The following ABCB1 variants were observed in gnomAD, a reference collection of about 807,000 sequenced individuals.
The protein encoded by ABCB1 is ATP-dependent translocase ABCB1.
A neutral mutation model predicts 142.0 loss-of-function variants in ABCB1; 69 were observed. The observed-to-expected ratio is 0.49, with a 90% CI of 0.40 to 0.59. ABCB1 has a LOEUF of 0.59. Ranked by LOEUF, ABCB1 falls within the 20% of genes least tolerant of loss-of-function variation. The pLI is 0.00. For synonymous variants in ABCB1, 532 were observed against 539.2 expected (o/e 0.99, Z 0.18); for missense variants, 1,326 against 1,554.7 (o/e 0.85, Z 2.47).
At chr7:87,504,793 A>G (rs1814658652) in intron 27 of ABCB1, among the ~76,000 whole-genome samples, 1 of 148,416 alleles carries the variant, frequency 6.7e-6, no homozygotes, top group Admixed American at 6.6e-5. Flanking sequence ...CGACAGAGCG[A>G]GACTCCATCT....
intron 20 of ABCB1, among the ~76,000 whole-genome samples, chr7:87,533,018 C>T (rs917440428): frequency 6.6e-6 from 1 of 152,086 alleles, no homozygotes; most frequent in Admixed American, 6.6e-5. Context: ...TACCATGGAG[C>T]TGCACCAGGG....
Position 87,691,180 on chromosome 7 carries a change from A to G in ABCB1, c.-331+21981T>C, listed in dbSNP as rs959690563. Among the ~76,000 whole-genome samples the G allele has an allele frequency of 2.6e-5, 4 of 152,140 alleles. No homozygotes were observed. The East Asian group carries it at 7.7e-4, about 29-fold the overall frequency. Reference sequence around the variant, plus strand: ...AATTTATTTGTTTAAAACAGTGGCCAATAGTCTTTTCTGTGTGAGGGCTAA... The same window carrying G: ...AATTTATTTGTTTAAAACAGTGGCCGATAGTCTTTTCTGTGTGAGGGCTAA... On this transcript the variant is annotated intron_variant, in intron 1 of 28. Transcript: ENST00000265724.
intron 20 of ABCB1, among the ~76,000 whole-genome samples, chr7:87,535,586 T>C (rs1816253586): frequency 6.6e-6 from 1 of 152,202 alleles, no homozygotes; most frequent in African/African-American, 2.4e-5. Context: ...TAAGAGGAGC[T>C]GGTACTATGC....
chr7:87,595,442 A>G (rs922673437), intron 3 of ABCB1, among the ~76,000 whole-genome samples: 1 of 152,136 alleles, frequency 6.6e-6, no homozygotes, highest in Non-Finnish European at 1.5e-5. Flanking sequence ...GCCAAATTTC[A>G]GAGCCATTAA....
rs556575598 is a variant in ABCB1 at position 87,587,488 on chromosome 7, T to C, written c.118-1808A>G. ...TGCTTTGACAGTACAGTGTATAGAA[T>C]AGACACAAAACTGAGTCAATCATCA... On this transcript the variant is annotated intron_variant, in intron 3 of 27. Coordinates refer to ENST00000622132, the MANE Select transcript of ABCB1 (RefSeq NM_001348946.2). Among the ~76,000 whole-genome samples, 23 of 152,288 alleles carry C rather than the reference T, an allele frequency of 1.5e-4. No individual in the cohort carries two copies. The South Asian group carries it at 1.9e-3, about 12-fold the overall frequency.
At chr7:87,652,575 G>C (rs1823680013) in intron 1 of ABCB1, among the ~76,000 whole-genome samples, 1 of 145,894 alleles carries the variant, frequency 6.9e-6, no homozygotes, top group Non-Finnish European at 1.5e-5. Flanking sequence ...TTTTAAGCTA[G>C]GTAAGTTAAT....
chr7:87,607,178 T>C (rs1318313053), intron 1 of ABCB1, among the ~76,000 whole-genome samples: 1 of 152,162 alleles, frequency 6.6e-6, no homozygotes, highest in Non-Finnish European at 1.5e-5. Context: ...GTTGGATACA[T>C]GGTTTTTTTC....
At chr7:87,681,835 T>TCAA (rs1196658387) in intron 1 of ABCB1, among the ~76,000 whole-genome samples, 7 of 152,114 alleles carry the variant, frequency 4.6e-5, no homozygotes, top group Non-Finnish European at 5.9e-5. Context: ...AGACCCCATC[T>TCAA]CAACAACAAC....
intron 4 of ABCB1, among the ~76,000 whole-genome samples, chr7:87,582,796 A>C (rs890019901): frequency 6.6e-6 from 1 of 152,242 alleles, no homozygotes; most frequent in African/African-American, 2.4e-5. Context: ...ACGGGTCACA[A>C]AATATAATTT....
At chr7:87,596,967 C>T (rs1819235525) in intron 2 of ABCB1, among the ~76,000 whole-genome samples, 3 of 152,046 alleles carry the variant, frequency 2.0e-5, no homozygotes, top group Non-Finnish European at 2.9e-5. Context: ...AGCTGCTACT[C>T]TGGAGAAGTT....
chr7:87,519,255 T>C lies in ABCB1; in HGVS notation c.2927+71A>G, dbSNP rs1453758104. On this transcript the variant is annotated intron_variant, in intron 23 of 27. Coordinates refer to ENST00000622132, the MANE Select transcript of ABCB1 (RefSeq NM_001348946.2). ...CATGAGGCTTCACAGTAGGGTTTCC[T>C]ATCTAGACATGAAGCATGTTCATCC... The C allele has an allele frequency of 6.1e-6, 9 of 1,463,786 alleles. No individual in the cohort carries two copies. The East Asian group carries it at 1.6e-4, about 26-fold the overall frequency. The allele number at this position is 1,463,786 out of a possible 1,614,324, so 90.7% of individuals were successfully genotyped here.
At chr7:87,589,911 A>G (rs941435650) in intron 3 of ABCB1, among the ~76,000 whole-genome samples, 3 of 151,966 alleles carry the variant, frequency 2.0e-5, no homozygotes, top group African/African-American at 7.3e-5. Context: ...GGAAAGAGAG[A>G]GAAGGTGAAC....
At chr7:87,569,742 C>G (rs978272533) in intron 5 of ABCB1, among the ~76,000 whole-genome samples, 10 of 152,258 alleles carry the variant, frequency 6.6e-5, no homozygotes, top group Middle Eastern at 3.4e-3. Flanking sequence ...GGCTGGAGTG[C>G]AGTGATGTGA....
At chr7:87,569,309 G>A (rs1294381640) in intron 5 of ABCB1, among the ~76,000 whole-genome samples, 1 of 144,770 alleles carries the variant, frequency 6.9e-6, no homozygotes, top group African/African-American at 2.6e-5. Context: ...CTCCAGCCTG[G>A]GGGACAGAGT....
intron 21 of ABCB1, among the ~76,000 whole-genome samples, chr7:87,523,919 C>T (rs562304617): frequency 1.3e-5 from 2 of 152,226 alleles, no homozygotes; most frequent in South Asian, 2.1e-4. Context: ...TTATAAGTCA[C>T]CAAGAGAAAT....
intron 21 of ABCB1, chr7:87,522,374 T>C: frequency 1.4e-6 from 1 of 714,692 alleles, no homozygotes; most frequent in South Asian, 1.4e-5. Context: ...CTATGGCAGT[T>C]CCAGTAGCAG....
At chr7:87,592,923 A>G (rs914230349) in intron 3 of ABCB1, among the ~76,000 whole-genome samples, 1 of 146,786 alleles carries the variant, frequency 6.8e-6, no homozygotes, top group Non-Finnish European at 1.5e-5. Context: ...GCAAGAATAT[A>G]TAATCTTTTT....
upstream of ABCB1, among the ~76,000 whole-genome samples, chr7:87,601,902 A>G (rs182495914): frequency 1.6e-4 from 25 of 152,372 alleles, no homozygotes; most frequent in East Asian, 4.2e-3. Context: ...CTTCAAAGCC[A>G]TAATTTTTTT....
chr7:87,707,408 G>A (rs989254642), intron 1 of ABCB1, among the ~76,000 whole-genome samples: 1 of 152,068 alleles, frequency 6.6e-6, no homozygotes, highest in African/African-American at 2.4e-5. Flanking sequence ...GGCCGGGTGT[G>A]ATGGCCTTTA....
Sources: gnomAD v4.1 joint callset for allele counts (sites outside exome capture counted in the v4.1 genomes callset) on GRCh38, gnomAD v4.1.1 for gene constraint, MANE v1.5 for transcripts, NCBI Gene and HGNC (gene_info 2026-07-23, HGNC 2026-07-21) for gene names.